The following NFKB1 variants were observed in gnomAD, a reference collection of about 807,000 sequenced individuals.
NFKB1 encodes the protein nuclear factor NF-kappa-B p105 subunit.
Under a neutral mutation model 105.1 loss-of-function variants are expected in NFKB1, and 9 were observed. That is an observed-to-expected ratio of 0.09 (90% CI 0.05 to 0.15). The LOEUF is 0.15. Among genes scored for constraint, NFKB1 ranks in the 10% least tolerant of loss-of-function variants. The pLI, the probability that NFKB1 is intolerant of heterozygous loss-of-function variation, is 1.00. For missense variants in NFKB1, 830 were observed against 1,203.7 expected (o/e 0.69, Z 4.59); for synonymous variants, 440 against 442.2 (o/e 1.00, Z 0.06).
At chr4:102,561,498 A>C (rs541180780) in intron 5 of NFKB1, among the ~76,000 whole-genome samples, 12 of 152,216 alleles carry the variant, frequency 7.9e-5, no homozygotes, top group African/African-American at 2.9e-4. Flanking sequence ...TCATCTATCA[A>C]CACTCTCTAG....
chr4:102,592,331 T>C (rs908065800), intron 11 of NFKB1, among the ~76,000 whole-genome samples: 1 of 152,212 alleles, frequency 6.6e-6, no homozygotes, highest in African/African-American at 2.4e-5. Context: ...CAAAACAGCA[T>C]TGTATACTAT....
At chr4:102,557,394 T>C (rs1157997877) in intron 5 of NFKB1, among the ~76,000 whole-genome samples, 1 of 152,194 alleles carries the variant, frequency 6.6e-6, no homozygotes, top group African/African-American at 2.4e-5. Flanking sequence ...CAGATGGTCA[T>C]GGGAGCCCAG....
chr4:102,554,750 A>G (rs192825367), intron 5 of NFKB1, among the ~76,000 whole-genome samples: 2 of 152,114 alleles, frequency 1.3e-5, no homozygotes, highest in Non-Finnish European at 2.9e-5. Flanking sequence ...GAGATCACAC[A>G]GGGCCAGCAG....
chr4:102,507,940 T>G (rs1399371381), intron 1 of NFKB1, among the ~76,000 whole-genome samples: 1 of 152,202 alleles, frequency 6.6e-6, no homozygotes, highest in East Asian at 1.9e-4. Flanking sequence ...CTAATCAACC[T>G]ATTTATTGGT....
At chr4:102,535,447 A>T (rs1560650458) in intron 4 of NFKB1, among the ~76,000 whole-genome samples, 1 of 152,186 alleles carries the variant, frequency 6.6e-6, no homozygotes. Context: ...TGTGAGTAAA[A>T]CAATGTGTTT....
At chr4:102,594,367 G>A (rs1463700833) in intron 12 of NFKB1, among the ~76,000 whole-genome samples, 2 of 152,122 alleles carry the variant, frequency 1.3e-5, no homozygotes, top group Non-Finnish European at 2.9e-5. Context: ...GTAAATTAGA[G>A]TCTTTGTAGT....
Position 102,613,515 on chromosome 4 carries a change from C to G in NFKB1, c.2683C>G (p.Pro895Ala). ...AIEVIQAASSPVKTTSQAHSL... is the reference protein window; with the variant it reads ...AIEVIQAASSAVKTTSQAHSL... ...TGAAGTGATCCAGGCAGCCTCCAGC[C>G]CAGTGAAGACCACCTCTCAGGCCCA... Residue 895 changes from proline to alanine, a missense_variant, in exon 23 of 24, where the codon CCA becomes GCA. This residue lies in a region of NFKB1 where 418 missense variants were observed against 575.3 expected (regional missense o/e 0.73). Transcript: ENST00000226574. 6.2e-7 allele frequency: 1 copy of G among 1,613,920 alleles called. No homozygotes were observed. The highest frequency in any genetic ancestry group is 8.5e-7 in the Non-Finnish European group (1 of 1,180,000).
At chr4:102,616,290 C>A in intron 23 of NFKB1, 144 bp from the exon 24 acceptor site, 1 of 803,134 alleles carries the variant, frequency 1.2e-6, no homozygotes, top group Non-Finnish European at 2.0e-6. Flanking sequence ...CTTCCCACCA[C>A]GGTGAGCAGT....
At chr4:102,520,707 G>A (rs1037971436) in intron 1 of NFKB1, among the ~76,000 whole-genome samples, 3 of 151,462 alleles carry the variant, frequency 2.0e-5, no homozygotes, top group Non-Finnish European at 4.4e-5. Flanking sequence ...ACTAAGCCAT[G>A]ATCAACTTTT....
intron 1 of NFKB1, among the ~76,000 whole-genome samples, chr4:102,520,604 G>A (rs968076055): frequency 3.9e-5 from 6 of 151,988 alleles, no homozygotes; most frequent in East Asian, 1.9e-4. Context: ...TTAAAACATG[G>A]AAAATTAGTT....
intron 10 of NFKB1, among the ~76,000 whole-genome samples, chr4:102,584,404 C>T (rs879429900): frequency 2.6e-5 from 4 of 152,164 alleles, no homozygotes; most frequent in Non-Finnish European, 5.9e-5. Flanking sequence ...ATGATATTTA[C>T]AACTAGAAGA....
intron 6 of NFKB1, among the ~76,000 whole-genome samples, chr4:102,570,567 A>G (rs230500): frequency 0.67 from 101,201 of 151,928 alleles, 34,124 homozygotes; most frequent in Middle Eastern, 0.76. Flanking sequence ...TATTCCTTTG[A>G]TTGTGTACCC....
intron 15 of NFKB1, among the ~76,000 whole-genome samples, chr4:102,599,704 T>G (rs143319984): frequency 2.0e-5 from 3 of 152,268 alleles, no homozygotes; most frequent in East Asian, 3.9e-4. Flanking sequence ...TTGACTGAGT[T>G]ATATGACGCC....
At chr4:102,613,764 G>A (rs1418115087) in intron 23 of NFKB1, among the ~76,000 whole-genome samples, 183 bp downstream of exon 23, 1 of 152,138 alleles carries the variant, frequency 6.6e-6, no homozygotes, top group Non-Finnish European at 1.5e-5. Context: ...AGATGAGGGG[G>A]TCGTACCCTT....
At chr4:102,575,171 C>A (rs1215179378) in intron 6 of NFKB1, among the ~76,000 whole-genome samples, 1 of 152,190 alleles carries the variant, frequency 6.6e-6, no homozygotes, top group African/African-American at 2.4e-5. Flanking sequence ...ACTCATATGT[C>A]AGGCATTGTT....
chr4:102,516,862 G>A (rs1740221185), intron 1 of NFKB1, among the ~76,000 whole-genome samples: 1 of 152,120 alleles, frequency 6.6e-6, no homozygotes, highest in Non-Finnish European at 1.5e-5. Context: ...ATTAAGATAG[G>A]TTTAGAGTAG....
chr4:102,610,977 C>T (rs952775202), intron 20 of NFKB1, among the ~76,000 whole-genome samples: 1 of 152,108 alleles, frequency 6.6e-6, no homozygotes, highest in Non-Finnish European at 1.5e-5. Flanking sequence ...ATAAAAGTTA[C>T]CCATTCCAAA....
intron 17 of NFKB1, 143 bp from the exon 18 acceptor site, chr4:102,607,007 G>A (rs1420300134): frequency 1.2e-6 from 1 of 852,520 alleles, no homozygotes; most frequent in Non-Finnish European, 2.0e-6. Flanking sequence ...GAGACTGTGG[G>A]TCTTCAAAGC....
intron 5 of NFKB1, among the ~76,000 whole-genome samples, chr4:102,548,867 G>A (rs184745690): frequency 3.9e-5 from 6 of 152,002 alleles, no homozygotes; most frequent in African/African-American, 2.4e-5. Context: ...TTGTGTTTAC[G>A]GCATCCATAA....
Sources: allele counts gnomAD v4.1 joint callset (sites outside exome capture counted in the v4.1 genomes callset), GRCh38; gene constraint gnomAD v4.1.1; regional missense constraint gnomAD v4.1.1; transcripts MANE v1.5; gene names NCBI Gene and HGNC (gene_info 2026-07-23, HGNC 2026-07-21).